The following UPF1 variants were observed in gnomAD, a reference collection of about 807,000 sequenced individuals.
UPF1 encodes the protein regulator of nonsense transcripts 1.
In UPF1, 9 loss-of-function variants were observed where a neutral mutation model predicts 129.2. The ratio of observed to expected loss-of-function variants is 0.07; its 90% confidence interval spans 0.04 to 0.12. The LOEUF is 0.12. Ranked by LOEUF, UPF1 falls within the 10% of genes least tolerant of loss-of-function variation. The pLI, the probability that UPF1 is intolerant of heterozygous loss-of-function variation, is 1.00. For missense variants in UPF1, 788 were observed against 1,525.3 expected (o/e 0.52, Z 8.05); for synonymous variants, 649 against 644.9 (o/e 1.01, Z -0.10).
intron 8 of UPF1, among the ~76,000 whole-genome samples, chr19:18,854,050 CG>C (rs1218197956): frequency 6.6e-6 from 1 of 152,148 alleles, no homozygotes; most frequent in Admixed American, 6.6e-5. Flanking sequence ...TTTTGGGGCT[CG>C]GGGTCGAGGG....
Position 18,864,152 on chromosome 19 carries a change from C to T in UPF1, c.2776-18C>T, listed in dbSNP as rs781096715. 7 of 1,611,630 alleles carry T rather than the reference C, an allele frequency of 4.3e-6. No homozygotes were observed. The highest frequency in any genetic ancestry group is 1.6e-4 in the Middle Eastern group (1 of 6,078). On this transcript the variant is annotated intron_variant, in intron 19 of 23. Transcript: ENST00000262803. Reference sequence around the variant, plus strand: ...TCTGTTGAGATGACAAATTCCTCACCTATCTAAACCTTCGCAGGGAGCCCG... The same window carrying T: ...TCTGTTGAGATGACAAATTCCTCACTTATCTAAACCTTCGCAGGGAGCCCG...
rs773396701 is a variant in UPF1 at position 18,864,198 on chromosome 19, A to T, written c.2804A>T (p.Tyr935Phe). 6.2e-6 allele frequency: 10 copies of T among 1,613,842 alleles called. No homozygotes were observed. Among genetic ancestry groups the T allele is most frequent in the Non-Finnish European group, 5.9e-6 (7 of 1,179,874 alleles). The change falls in exon 20 of 24, where the codon TAT becomes TTT. Residue 935 changes from tyrosine to phenylalanine, a missense_variant. Tyr to Phe is a conservative substitution (Grantham distance 22). Transcript: ENST00000262803. ...GCCCGCTTCATGACCACAGCCATGT[A>T]TGATGCCCGGGAGGCCATCATCCCA... ...PGARFMTTAM[Y>F]DAREAIIPGS...
intron 18 of UPF1, 82 bp downstream of exon 18, chr19:18,862,234 T>G (rs2055788440): frequency 6.4e-7 from 1 of 1,565,652 alleles, no homozygotes; most frequent in Non-Finnish European, 8.6e-7. Flanking sequence ...GGTTGGGGGT[T>G]GCCAGGGCCA....
At position 18,850,822 on chromosome 19, in the gene UPF1, G is replaced by A. The variant is rs1339234477; in HGVS notation, c.764G>A (p.Arg255His). 1 of 1,608,226 alleles carries A rather than the reference G, an allele frequency of 6.2e-7. No individual in the cohort carries two copies. The highest frequency in any genetic ancestry group is 1.7e-5 in the Admixed American group (1 of 59,142). ...TCCGAGCAGGAGCAGCTGCGGGCAC[G>A]CCAGATCACGGCACAGCAGATCAAC... is the stretch of plus-strand genomic sequence containing the variant. ...IPSEQEQLRA[R>H]QITAQQINKL... The change falls in exon 5 of 24, where the codon CGC (arginine) becomes CAC (histidine). Residue 255 changes from arginine (R) to histidine (H), a missense_variant. Transcript: ENST00000262803. The surrounding 1 kb of genome is among the most constrained non-coding windows in gnomAD (Gnocchi z 7.1).
rs750783688 is a variant in UPF1 at position 18,832,374 on chromosome 19, CGGTGGCGGCGCGGGA to C, written c.168_182del (p.Gly57_Gly61del). The C allele has an allele frequency of 3.8e-5, 47 of 1,241,432 alleles. No homozygotes were observed. The highest frequency in any genetic ancestry group is 4.5e-5 in the Non-Finnish European group (44 of 973,340). 76.9% of individuals were successfully genotyped at this position (1,241,432 alleles called of 1,614,324 possible). A position where few individuals can be genotyped will look rare whatever the true frequency, so the allele number is the denominator to read the frequency against. ...CCCCCGGCGGCCCCGGCGGCCCGGG[CGGTGGCGGCGCGGGA>C]GGCCCGGGCGGCGCGGGCGCGGGCG... On this transcript the variant is annotated inframe_deletion, in exon 1 of 24. Transcript: ENST00000262803. This position sits in a 1 kb window ranked among gnomAD's most constrained non-coding sequence, Gnocchi z 5.6.
At chr19:18,839,275 G>T (rs989106353) in intron 1 of UPF1, among the ~76,000 whole-genome samples, 1 of 152,136 alleles carries the variant, frequency 6.6e-6, no homozygotes, top group Non-Finnish European at 1.5e-5. Flanking sequence ...TGTATTTTTA[G>T]TAGAGACGGG....
At position 18,867,525 on chromosome 19, in the gene UPF1, G is replaced by GAGGGCC. The variant is rs2055867294; in HGVS notation, c.*1009_*1014dup. 1 of 152,412 alleles carries GAGGGCC rather than the reference G, an allele frequency of 6.6e-6. No individual in the cohort carries two copies. Among genetic ancestry groups the GAGGGCC allele is most frequent in the South Asian group, 2.1e-4 (1 of 4,836 alleles). 9.4% of individuals were successfully genotyped at this position (152,412 alleles called of 1,614,324 possible). A position where few individuals can be genotyped will look rare whatever the true frequency, so the allele number is the denominator to read the frequency against. ...TTTGGAAGATTTGGTGGAAGGACAAGAGGGCCTGTCCCTGTCCCCGTCCCC... is the reference window on the plus strand; with the variant it reads ...TTTGGAAGATTTGGTGGAAGGACAAGAGGGCCAGGGCCTGTCCCTGTCCCCGTCCCC... On this transcript the variant is annotated 3_prime_UTR_variant, in exon 24 of 24. Transcript: ENST00000262803.
intron 3 of UPF1, chr19:18,848,082 T>G (rs2055619279): frequency 2.3e-6 from 1 of 442,838 alleles, no homozygotes; most frequent in Non-Finnish European, 4.1e-6. Flanking sequence ...CCTTCCCAGT[T>G]TTTATTTCGA....
chr19:18,857,081 C>CT, intron 14 of UPF1, 61 bp downstream of exon 14: 1 of 1,571,306 alleles, frequency 6.4e-7, no homozygotes, highest in Non-Finnish European at 8.6e-7. Context: ...TGGTGTTTGT[C>CT]TTTTAAAACA....
intron 15 of UPF1, chr19:18,860,118 G>A: frequency 1.6e-6 from 1 of 619,346 alleles, no homozygotes; most frequent in South Asian, 1.9e-5. Context: ...GGTGCTCTCG[G>A]TGGCCTCTCC....
At chr19:18,861,013 C>G in intron 17 of UPF1, 31 bp downstream of exon 17, 2 of 1,549,826 alleles carry the variant, frequency 1.3e-6, no homozygotes, top group South Asian at 1.2e-5. Flanking sequence ...CACTTGGTCT[C>G]CTGGGCCATG....
At position 18,832,424 on chromosome 19, in the gene UPF1, G is replaced by T; in HGVS notation, c.215G>T (p.Gly72Val). The change falls in exon 1 of 24, where the codon GGA becomes GTA. Residue 72 changes from glycine (G) to valine (V), a missense_variant. Around this residue, in one of 6 missense-constraint regions of UPF1, gnomAD observed 112 missense variants for 128.2 expected, o/e 0.87. Transcript: ENST00000262803. This position sits in a 1 kb window ranked among gnomAD's most constrained non-coding sequence, Gnocchi z 5.6. ...PGGAGAGAAA[G>V]QLDAQVGPEG... The stretch of plus-strand genomic sequence containing the variant: ...GGCGCGGGCGCGGGCGCTGCGGCGG[G>T]ACAGCTCGACGCGCAGGTGAGCGGC... The T allele has an allele frequency of 1.0e-6, 1 of 996,810 alleles. No individual in the cohort carries two copies. Among genetic ancestry groups the T allele is most frequent in the African/African-American group, 1.7e-5 (1 of 57,246 alleles). 61.7% of individuals were successfully genotyped at this position (996,810 alleles called of 1,614,324 possible).
intron 1 of UPF1, among the ~76,000 whole-genome samples, chr19:18,837,059 C>CT (rs1601093329): frequency 2.0e-5 from 3 of 151,958 alleles, no homozygotes; most frequent in African/African-American, 4.8e-5. Context: ...GCCTGCCATA[C>CT]TTTTTTTAAA....
chr19:18,835,978 C>A (rs1002618116), intron 1 of UPF1, among the ~76,000 whole-genome samples: 3 of 152,198 alleles, frequency 2.0e-5, no homozygotes, highest in Admixed American at 1.3e-4. Context: ...TGTGTCCCCA[C>A]CGGGATGGGA....
chr19:18,862,569 C>G (rs1466750099), intron 18 of UPF1, among the ~76,000 whole-genome samples: 1 of 152,094 alleles, frequency 6.6e-6, no homozygotes, highest in African/African-American at 2.4e-5. Flanking sequence ...GGCATGGTGT[C>G]TCACACATGT....
At chr19:18,835,579 G>T (rs2055475254) in intron 1 of UPF1, among the ~76,000 whole-genome samples, 1 of 152,226 alleles carries the variant, frequency 6.6e-6, no homozygotes, top group African/African-American at 2.4e-5. Flanking sequence ...TGACCATGTG[G>T]TCCACTTGCC....
chr19:18,839,916 G>C (rs920225390), intron 1 of UPF1, among the ~76,000 whole-genome samples: 3 of 152,182 alleles, frequency 2.0e-5, no homozygotes, highest in Non-Finnish European at 4.4e-5. Context: ...TGGGAATGGC[G>C]CCTCTGGAGT....
intron 1 of UPF1, among the ~76,000 whole-genome samples, chr19:18,843,372 G>C (rs1473760528): frequency 6.6e-6 from 1 of 152,242 alleles, no homozygotes; most frequent in Non-Finnish European, 1.5e-5. Context: ...GCAGGTGCAA[G>C]GCCTGGGTGC....
At position 18,865,293 on chromosome 19, in the gene UPF1, G is replaced by T. The variant is rs779937848; in HGVS notation, c.2862G>T (p.Arg954=). 3 of 1,601,564 alleles carry T rather than the reference G, an allele frequency of 1.9e-6. No individual in the cohort carries two copies. In the African/African-American group the frequency reaches 4.0e-5, roughly 21 times the overall value. The change falls in exon 21 of 24, where the codon CGG becomes CGT. Residue 954 remains arginine, a synonymous_variant. Coordinates refer to ENST00000262803, the MANE Select transcript of UPF1 (RefSeq NM_002911.4). The surrounding 1 kb of genome is among the most constrained non-coding windows in gnomAD (Gnocchi z 6.1). ...GTGTTCCACTGTGATTTGCAGGCCG[G>T]CCTTCCAGCATGTACTTCCAGACCC... ...GSVYDRSSQG[R]PSSMYFQTHD...
Sources: allele counts gnomAD v4.1 joint callset (sites outside exome capture counted in the v4.1 genomes callset), GRCh38; gene constraint gnomAD v4.1.1; regional missense constraint gnomAD v4.1.1; non-coding constraint Gnocchi (gnomAD v3.1); transcripts MANE v1.5; gene names NCBI Gene and HGNC (gene_info 2026-07-23, HGNC 2026-07-21).